Variants in PPP3CA observed in about 807,000 individuals in gnomAD.
The protein encoded by PPP3CA is CAM-PRP catalytic subunit.
Under a neutral mutation model 66.5 loss-of-function variants are expected in PPP3CA, and 14 were observed. The ratio of observed to expected loss-of-function variants is 0.21; its 90% CI spans 0.14 to 0.33. The LOEUF is 0.33. PPP3CA is among the 10% of genes least tolerant of loss of function. The pLI is 1.00. For missense variants in PPP3CA, 317 were observed against 639.5 expected, an observed-to-expected ratio of 0.50 and a Z score of 5.44; for synonymous variants, 232 against 226.2, an observed-to-expected ratio of 1.03 and a Z score of -0.23.
intron 1 of PPP3CA, among the ~76,000 whole-genome samples, chr4:101,332,795 G>C (rs1729430799): frequency 6.6e-6 from 1 of 152,082 alleles, no homozygotes; most frequent in South Asian, 2.1e-4. Flanking sequence ...TACATGACTT[G>C]CCCATGGACA....
rs371141456 is a variant in PPP3CA at position 101,195,947 on chromosome 4, T to G, written c.228A>C (p.Lys76Asn). The change falls in exon 2 of 14, where the codon AAA becomes AAC. Residue 76 changes from lysine to asparagine, a missense_variant. Lys to Asn is a moderately conservative substitution (Grantham distance 94). Transcript: ENST00000394854. Reference sequence around the variant, plus strand: ...CTGGCGCATCAATATCCAGCAAATTTTTTTCCTGTCGAAGAATTGATGCAC... The same window carrying G: ...CTGGCGCATCAATATCCAGCAAATTGTTTTCCTGTCGAAGAATTGATGCAC... ...TEGASILRQE[K>N]NLLDIDAPVT... 1 of 1,613,986 alleles carries G rather than the reference T, an allele frequency of 6.2e-7. No individual in the cohort carries two copies. Among genetic ancestry groups the G allele is most frequent in the South Asian group, 1.1e-5 (1 of 91,072 alleles).
intron 1 of PPP3CA, among the ~76,000 whole-genome samples, chr4:101,243,658 T>G (rs1726385008): frequency 6.6e-6 from 1 of 152,190 alleles, no homozygotes; most frequent in South Asian, 2.1e-4. Context: ...CTACCCCATT[T>G]TATATAATAG....
intron 2 of PPP3CA, among the ~76,000 whole-genome samples, chr4:101,127,447 C>A (rs550680190): frequency 1.1e-4 from 16 of 152,008 alleles, no homozygotes; most frequent in Non-Finnish European, 1.8e-4. Context: ...TGAACACAGG[C>A]AGAATCAGAG....
At chr4:101,149,241 T>C (rs759634609) in intron 2 of PPP3CA, among the ~76,000 whole-genome samples, 1 of 152,064 alleles carries the variant, frequency 6.6e-6, no homozygotes, top group Non-Finnish European at 1.5e-5. Flanking sequence ...CATTAGTAAC[T>C]AAAAGAAGCT....
chr4:101,036,403 C>CTTT (rs1727249811), intron 11 of PPP3CA, among the ~76,000 whole-genome samples: 3 of 126,374 alleles, frequency 2.4e-5, no homozygotes, highest in African/African-American at 9.9e-5. Context: ...GTCTACATTT[C>CTTT]TTTTTCTTTC....
In PPP3CA at chr4:101,318,536, G is replaced by C. The variant is rs1207738264; in HGVS notation, c.58+28203C>G. ...AATACATTAACTTATGAATCATGAA[G>C]TATTAAATTATATTGTTAGAATTGT... On this transcript the variant is annotated intron_variant, in intron 1 of 13. Coordinates refer to ENST00000394854, the MANE Select transcript of PPP3CA (RefSeq NM_000944.5). Among the ~76,000 whole-genome samples the C allele has an allele frequency of 8.5e-5, 13 of 152,178 alleles. No homozygotes were observed. In the South Asian group the frequency reaches 2.7e-3, roughly 32 times the overall value.
rs559911685 is a variant in PPP3CA at position 101,313,362 on chromosome 4, T to A, written c.58+33377A>T. ...ATATATGAAATTAATCCCTGAGACA[T>A]ATCAGTGAGGTTCTGATTAAAACAA... is the stretch of plus-strand genomic sequence containing the variant. On this transcript the variant is annotated intron_variant, in intron 1 of 13. Coordinates refer to ENST00000394854, the MANE Select transcript of PPP3CA (RefSeq NM_000944.5). 3.9e-5 allele frequency among the ~76,000 whole-genome samples: 6 copies of A among 152,318 alleles called. No homozygotes were observed. In the South Asian group the frequency reaches 1.2e-3, roughly 32 times the overall value.
chr4:101,047,040 C>T (rs1310642417), intron 10 of PPP3CA, among the ~76,000 whole-genome samples: 1 of 152,096 alleles, frequency 6.6e-6, no homozygotes, highest in Non-Finnish European at 1.5e-5. Context: ...AAATACATGT[C>T]CAACAGTTGA....
At chr4:101,330,591 T>C (rs1380392746) in intron 1 of PPP3CA, among the ~76,000 whole-genome samples, 1 of 152,274 alleles carries the variant, frequency 6.6e-6, no homozygotes, top group South Asian at 2.1e-4. Flanking sequence ...TTAACATGCA[T>C]TGTGAAACCA....
At chr4:101,139,696 G>GTTT (rs372257350) in intron 2 of PPP3CA, among the ~76,000 whole-genome samples, 1,743 of 97,732 alleles carry the variant, frequency 0.018, 1 homozygote, top group East Asian at 0.028. Flanking sequence ...TTTTTTTTGT[G>GTTT]TTTTTTTTTT....
chr4:101,079,504 G>A (rs770712829), intron 8 of PPP3CA, among the ~76,000 whole-genome samples: 10 of 150,906 alleles, frequency 6.6e-5, no homozygotes, highest in African/African-American at 1.7e-4. Flanking sequence ...TCAGCCTCCC[G>A]AGTAGCTGGG....
At chr4:101,030,380 A>C (rs1232025771) in intron 12 of PPP3CA, among the ~76,000 whole-genome samples, 1 of 152,116 alleles carries the variant, frequency 6.6e-6, no homozygotes, top group Non-Finnish European at 1.5e-5. Flanking sequence ...ATGGAGAGAG[A>C]GAGTACATAG....
intron 1 of PPP3CA, among the ~76,000 whole-genome samples, chr4:101,345,100 A>G (rs1238787384): frequency 6.6e-6 from 1 of 152,228 alleles, no homozygotes; most frequent in Non-Finnish European, 1.5e-5. Context: ...ATCTCTCTGC[A>G]GCCCTATTTC....
intron 6 of PPP3CA, among the ~76,000 whole-genome samples, chr4:101,085,835 TACACACAC>T (rs60331979): frequency 2.8e-5 from 4 of 143,870 alleles, no homozygotes; most frequent in Non-Finnish European, 4.7e-5. Flanking sequence ...ACTGCGTATA[TACACACAC>T]ACACACACAC....
intron 2 of PPP3CA, among the ~76,000 whole-genome samples, chr4:101,125,510 G>T (rs1330068875): frequency 6.6e-6 from 1 of 152,124 alleles, no homozygotes; most frequent in African/African-American, 2.4e-5. Flanking sequence ...GGTGCATACT[G>T]ACTGGCCAGT....
Position 101,099,695 on chromosome 4 carries a change from T to C in PPP3CA, c.412A>G (p.Ile138Val). Reference protein sequence around the residue: ...ECVLYLWALKILYPKTLFLLR... With the variant: ...ECVLYLWALKVLYPKTLFLLR... ...AAAAACAGTGTTTTGGGGTAGAGAATTTTCAAGGCCCACAAATACAGCACA... is the reference window on the plus strand; with the variant it reads ...AAAAACAGTGTTTTGGGGTAGAGAACTTTCAAGGCCCACAAATACAGCACA... The change falls in exon 4 of 14, where the codon ATT (isoleucine) becomes GTT (valine). Residue 138 changes from isoleucine (I) to valine (V), a missense_variant. Coordinates refer to ENST00000394854, the MANE Select transcript of PPP3CA (RefSeq NM_000944.5). 6.3e-7 allele frequency: 1 copy of C among 1,586,030 alleles called. No individual in the cohort carries two copies. Among genetic ancestry groups the C allele is most frequent in the Non-Finnish European group, 8.6e-7 (1 of 1,165,090 alleles).
chr4:101,251,787 C>G (rs1726685561), intron 1 of PPP3CA, among the ~76,000 whole-genome samples: 1 of 152,166 alleles, frequency 6.6e-6, no homozygotes, highest in African/African-American at 2.4e-5. Context: ...CTGCGTTTAG[C>G]TAGCTGGAAG....
intron 1 of PPP3CA, among the ~76,000 whole-genome samples, chr4:101,319,711 G>A (rs1461076460): frequency 6.6e-6 from 1 of 152,090 alleles, no homozygotes; most frequent in Admixed American, 6.6e-5. Context: ...TTTAGAAGAT[G>A]TTTTAGAACA....
At chr4:101,068,423 T>C (rs10020845) in intron 8 of PPP3CA, among the ~76,000 whole-genome samples, 10,936 of 152,116 alleles carry the variant, frequency 0.072, 466 homozygotes, top group African/African-American at 0.12. Context: ...ATGCAACTCA[T>C]AATGTTCTAT....
Sources: allele counts gnomAD v4.1 joint callset (sites outside exome capture counted in the v4.1 genomes callset), GRCh38; gene constraint gnomAD v4.1.1; transcripts MANE v1.5; gene names NCBI Gene and HGNC (gene_info 2026-07-23, HGNC 2026-07-21).